The following ZSWIM9 variants were observed in gnomAD, a reference collection of about 807,000 sequenced individuals.
The protein encoded by ZSWIM9 is zinc finger SWIM-type containing 9.
In ZSWIM9, 11 loss-of-function variants were observed where a neutral mutation model predicts 25.0. The ratio of observed to expected loss-of-function variants is 0.44; its 90% confidence interval spans 0.28 to 0.73. ZSWIM9 has a LOEUF of 0.73. Among genes scored for constraint, ZSWIM9 ranks in the 30% least tolerant of loss-of-function variants. The probability of loss-of-function intolerance (pLI) is 0.16; values close to 1 mark genes in which losing one functional copy is unlikely to be tolerated. For synonymous variants in ZSWIM9, 562 were observed against 582.1 expected (o/e 0.97, Z 0.50); for missense variants, 1,070 against 1,296.5 (o/e 0.83, Z 2.68).
chr19:48,181,597 A>T (rs1208062048), intron 2 of ZSWIM9: 1 of 152,212 alleles, frequency 6.6e-6, no homozygotes, highest in Non-Finnish European at 1.5e-5. Context: ...ATTTGTCTTG[A>T]GTGGCACCAC....
At chr19:48,187,985 T>TAGATAGATAGATAGACAGAC (rs1555787428) in intron 3 of ZSWIM9, among the ~76,000 whole-genome samples, 105 of 146,342 alleles carry the variant, frequency 7.2e-4, no homozygotes, top group Middle Eastern at 3.5e-3. Flanking sequence ...GATAGATAGA[T>TAGATAGATAGATAGACAGAC]AGACAGACAG....
At position 48,193,498 on chromosome 19, in the gene ZSWIM9, G is replaced by A. The variant is rs111416898; in HGVS notation, c.589-1155G>A. Among the ~76,000 whole-genome samples the A allele has an allele frequency of 3.6e-3, 553 of 152,358 alleles. 5 individuals are homozygous for A. The highest frequency in any genetic ancestry group is 0.012 in the African/African-American group (501 of 41,576). On this transcript the variant is annotated intron_variant, in intron 3 of 3. Transcript: ENST00000614654. ...GAAGAGCCACATAGGGCAGAGGCCAGGAGAGACCATCCCGAAGGGGAACAT... is the reference window on the plus strand; with the variant it reads ...GAAGAGCCACATAGGGCAGAGGCCAAGAGAGACCATCCCGAAGGGGAACAT...
chr19:48,191,521 T>C (rs2123408416), intron 3 of ZSWIM9, among the ~76,000 whole-genome samples: 1 of 152,322 alleles, frequency 6.6e-6, no homozygotes, highest in South Asian at 2.1e-4. Context: ...ATTATTTTTA[T>C]TCCTTCAATT....
In ZSWIM9 at chr19:48,194,770, G is replaced by A; in HGVS notation, c.706G>A (p.Gly236Arg). The change falls in exon 4 of 4, where the codon GGG becomes AGG. Residue 236 changes from glycine to arginine, a missense_variant. By Grantham distance (125) the Gly-to-Arg change is moderately radical (BLOSUM62 -2). This residue lies in a region of ZSWIM9 where 38 missense variants were observed against 89.7 expected (regional missense o/e 0.42). Transcript: ENST00000614654. This position sits in a 1 kb window ranked among gnomAD's most constrained non-coding sequence, Gnocchi z 6.0. ...PRMLLVDRLP[G>R]LQGALDLLAV... ...CATGCTGCTGGTGGACCGGCTGCCG[G>A]GGCTGCAGGGCGCGCTGGATCTGCT... The A allele has an allele frequency of 6.5e-7, 1 of 1,532,728 alleles. No individual in the cohort carries two copies. Among genetic ancestry groups the A allele is most frequent in the Non-Finnish European group, 8.7e-7 (1 of 1,145,418 alleles). The allele number at this position is 1,532,728 out of a possible 1,614,324, so 94.9% of individuals were successfully genotyped here.
chr19:48,172,319 C>CT (rs750603853), intron 2 of ZSWIM9, among the ~76,000 whole-genome samples: 1,684 of 142,988 alleles, frequency 0.012, 35 homozygotes, highest in African/African-American at 0.038. Context: ...GACTTACAGA[C>CT]TTTTTTTTTT....
At chr19:48,188,000 C>A (rs1439221277) in intron 3 of ZSWIM9, among the ~76,000 whole-genome samples, 3 of 143,972 alleles carry the variant, frequency 2.1e-5, no homozygotes, top group Admixed American at 6.9e-5. Flanking sequence ...AGACAGACAG[C>A]AAGCTTTAAA....
At chr19:48,183,095 GAATTAATT>G (rs3078208) in intron 3 of ZSWIM9, 24 of 192,050 alleles carry the variant, frequency 1.2e-4, no homozygotes, top group African/African-American at 3.5e-4. Flanking sequence ...CTGAGGAACT[GAATTAATT>G]AATTAATTAA....
chr19:48,193,735 ACTATTTGTTGG>A (rs1442187568), intron 3 of ZSWIM9, among the ~76,000 whole-genome samples: 25 of 152,378 alleles, frequency 1.6e-4, no homozygotes, highest in African/African-American at 5.5e-4. Context: ...CAGAACACTT[ACTATTTGTTGG>A]ATAAGTAATA....
rs147929108 is a variant in ZSWIM9, at chr19:48,193,680, G to A, written c.589-973G>A. 3.4e-3 allele frequency among the ~76,000 whole-genome samples: 512 copies of A among 152,304 alleles called. 5 individuals are homozygous for A. Among genetic ancestry groups the A allele is most frequent in the African/African-American group, 0.012 (490 of 41,576 alleles). ...CTTAGTTGGGAAGTCACAGAAGAGC[G>A]GGACGTGATGTTTGAACAGAGACGA... On this transcript the variant is annotated intron_variant, in intron 3 of 3. Coordinates refer to ENST00000614654, the MANE Select transcript of ZSWIM9 (RefSeq NM_199341.4).
intron 2 of ZSWIM9, among the ~76,000 whole-genome samples, chr19:48,179,452 G>T (rs751210347): frequency 2.6e-5 from 4 of 152,194 alleles, no homozygotes; most frequent in Admixed American, 6.5e-5. Flanking sequence ...GGGATGACAG[G>T]TGCTAGCCAC....
chr19:48,194,577 C>T lies in ZSWIM9; in HGVS notation c.589-76C>T. On this transcript the variant is annotated intron_variant, in intron 3 of 3. Transcript: ENST00000614654. The surrounding 1 kb of genome is among the most constrained non-coding windows in gnomAD (Gnocchi z 6.0). ...GGTCCCATTTCCGTAGAAGGGGAAA[C>T]CGAGGTCGGGGAGCTGGGCGGGGAG... 3.0e-6 allele frequency: 4 copies of T among 1,332,664 alleles called. No individual in the cohort carries two copies. The highest frequency in any genetic ancestry group is 3.9e-6 in the Non-Finnish European group (4 of 1,036,974). 82.6% of individuals were successfully genotyped at this position (1,332,664 alleles called of 1,614,324 possible).
At chr19:48,178,073 T>G (rs1397602918) in intron 2 of ZSWIM9, among the ~76,000 whole-genome samples, 1 of 152,166 alleles carries the variant, frequency 6.6e-6, no homozygotes, top group Non-Finnish European at 1.5e-5. Flanking sequence ...AATTTTTGTA[T>G]TTTTAGTAGA....
intron 2 of ZSWIM9, among the ~76,000 whole-genome samples, chr19:48,175,947 T>C (rs905350228): frequency 2.0e-5 from 3 of 152,250 alleles, no homozygotes; most frequent in African/African-American, 7.2e-5. Context: ...GGCTCTCGCC[T>C]GTAATCCCAA....
chr19:48,192,498 TACACAC>T (rs1555787892), intron 3 of ZSWIM9, among the ~76,000 whole-genome samples: 288 of 20,780 alleles, frequency 0.014, 51 homozygotes, highest in Middle Eastern at 0.078. Context: ...TATATATATA[TACACAC>T]ACACACACAC....
At chr19:48,175,881 A>T (rs1348506024) in intron 2 of ZSWIM9, among the ~76,000 whole-genome samples, 1 of 152,132 alleles carries the variant, frequency 6.6e-6, no homozygotes, top group Non-Finnish European at 1.5e-5. Flanking sequence ...GCCGTTGAAA[A>T]CATAAAGATC....
At position 48,179,870 on chromosome 19, in the gene ZSWIM9, G is replaced by C. The variant is rs987891823; in HGVS notation, c.276-2585G>C. ...AATTTATTTATCTCACAGTTCTGGA[G>C]GTCAGGCGGCCAATATGGGTCTCAG... On this transcript the variant is annotated intron_variant, in intron 2 of 3. Transcript: ENST00000614654. Among the ~76,000 whole-genome samples the C allele has an allele frequency of 5.8e-4, 88 of 152,290 alleles. 1 individual carries two copies. Among genetic ancestry groups the C allele is most frequent in the Admixed American group, 5.7e-3 (87 of 15,298 alleles).
At chr19:48,187,442 AT>A (rs2037029704) in intron 3 of ZSWIM9, among the ~76,000 whole-genome samples, 1 of 102,680 alleles carries the variant, frequency 9.7e-6, no homozygotes, top group Non-Finnish European at 1.8e-5. Flanking sequence ...TATTATATAT[AT>A]TATATATTAT....
chr19:48,178,141 G>T (rs185096166), intron 2 of ZSWIM9, among the ~76,000 whole-genome samples: 1 of 152,148 alleles, frequency 6.6e-6, no homozygotes, highest in African/African-American at 2.4e-5. Context: ...CAAGTGATCC[G>T]CCCGCCTTGG....
At position 48,194,529 on chromosome 19, in the gene ZSWIM9, T is replaced by C. The variant is rs977866555; in HGVS notation, c.589-124T>C. ...CCTGCCGGTCAAAAGAATAAATGCA[T>C]ATGCAGGCAAGAATGAATGGGTGGT... On this transcript the variant is annotated intron_variant, in intron 3 of 3. Transcript: ENST00000614654. This position sits in a 1 kb window ranked among gnomAD's most constrained non-coding sequence, Gnocchi z 6.0. 28 of 999,352 alleles carry C rather than the reference T, an allele frequency of 2.8e-5. No homozygotes were observed. In the African/African-American group the frequency reaches 4.4e-4, roughly 16 times the overall value. The allele number at this position is 999,352 out of a possible 1,614,324, so 61.9% of individuals were successfully genotyped here. A position where few individuals can be genotyped will look rare whatever the true frequency, so the allele number is the denominator to read the frequency against.
Sources: allele counts gnomAD v4.1 joint callset (sites outside exome capture counted in the v4.1 genomes callset), GRCh38; gene constraint gnomAD v4.1.1; regional missense constraint gnomAD v4.1.1; non-coding constraint Gnocchi (gnomAD v3.1); transcripts MANE v1.5; gene names NCBI Gene and HGNC (gene_info 2026-07-23, HGNC 2026-07-21).